The following ZDHHC17 variants were observed in gnomAD, a reference collection of about 807,000 sequenced individuals.
ZDHHC17 encodes zDHHC palmitoyltransferase 17.
ZDHHC17 carries 40 observed loss-of-function variants against 90.3 expected under a neutral mutation model. The ratio of observed to expected loss-of-function variants is 0.44; its 90% CI spans 0.34 to 0.58. The LOEUF (loss-of-function observed/expected upper bound fraction) is 0.58. Among genes scored for constraint, ZDHHC17 ranks in the 20% least tolerant of loss-of-function variants. ZDHHC17 has a pLI of 0.01. For synonymous variants in ZDHHC17, 235 were observed against 252.4 expected (o/e 0.93, Z 0.65); for missense variants, 614 against 780.8 (o/e 0.79, Z 2.55).
intron 5 of ZDHHC17, among the ~76,000 whole-genome samples, chr12:76,810,576 A>T (rs1383403698): frequency 6.6e-6 from 1 of 152,202 alleles, no homozygotes; most frequent in Non-Finnish European, 1.5e-5. Flanking sequence ...CGGATTTAGA[A>T]TTTGAATACT....
intron 1 of ZDHHC17, among the ~76,000 whole-genome samples, chr12:76,769,413 C>T (rs1165598968): frequency 6.6e-6 from 1 of 152,010 alleles, no homozygotes; most frequent in African/African-American, 2.4e-5. Context: ...ACTTTTTGCC[C>T]TATTATGTAT....
intron 1 of ZDHHC17, among the ~76,000 whole-genome samples, chr12:76,774,711 A>G (rs1207317354): frequency 6.6e-6 from 1 of 152,188 alleles, no homozygotes; most frequent in East Asian, 1.9e-4. Flanking sequence ...CAGTTTTATT[A>G]TCTGGAAAGT....
At chr12:76,823,842 A>G (rs1290309740) in intron 8 of ZDHHC17, among the ~76,000 whole-genome samples, 1 of 152,194 alleles carries the variant, frequency 6.6e-6, no homozygotes, top group Non-Finnish European at 1.5e-5. Flanking sequence ...AGCTGAGACT[A>G]ATGAACAATT....
intron 1 of ZDHHC17, among the ~76,000 whole-genome samples, chr12:76,787,870 C>G (rs1474462523): frequency 6.6e-6 from 1 of 152,182 alleles, no homozygotes; most frequent in African/African-American, 2.4e-5. Context: ...CTCTCAGAAT[C>G]ATATTAGTCC....
At chr12:76,785,891 G>C (rs945130404) in intron 1 of ZDHHC17, among the ~76,000 whole-genome samples, 1 of 152,094 alleles carries the variant, frequency 6.6e-6, no homozygotes, top group African/African-American at 2.4e-5. Context: ...GAAGGATTTT[G>C]TATGATTGCC....
intron 8 of ZDHHC17, among the ~76,000 whole-genome samples, chr12:76,826,362 T>A (rs1405101403): frequency 6.6e-6 from 1 of 152,258 alleles, no homozygotes; most frequent in East Asian, 1.9e-4. Context: ...GCACTCTGCC[T>A]TGATCTTTGT....
Position 76,848,262 on chromosome 12 carries a change from AC to A in ZDHHC17, c.1539del (p.Lys514ArgfsTer23). 1 of 1,613,914 alleles carries A rather than the reference AC, an allele frequency of 6.2e-7. No homozygotes were observed. Among genetic ancestry groups the A allele is most frequent in the East Asian group, 2.2e-5 (1 of 44,858 alleles). On this transcript the variant is annotated frameshift_variant, in exon 15 of 17. Transcript: ENST00000426126. LOFTEE classifies it high-confidence loss of function. ...GGGACTCCACTGTGAGACCACTTACACCAAGGATGGATTTTGGACATACATT... is the reference window on the plus strand; with the variant it reads ...GGGACTCCACTGTGAGACCACTTACACAAGGATGGATTTTGGACATACATT... ...YWGLHCETTY[T>X]KDGFWTYITQ...
At chr12:76,848,136 G>GT in intron 14 of ZDHHC17, 97 bp from the exon 15 acceptor site, 1 of 1,287,734 alleles carries the variant, frequency 7.8e-7, no homozygotes, top group South Asian at 1.4e-5. Flanking sequence ...AATCTAGACT[G>GT]TTTGACTATG....
chr12:76,797,194 C>T (rs1404801922), intron 1 of ZDHHC17, among the ~76,000 whole-genome samples: 1 of 151,970 alleles, frequency 6.6e-6, no homozygotes, highest in African/African-American at 2.4e-5. Context: ...ACCTGGGAGG[C>T]AGAGGTTGTA....
Position 76,816,406 on chromosome 12 carries a change from A to C in ZDHHC17, c.771+387A>C, listed in dbSNP as rs12304620. Among the ~76,000 whole-genome samples, 522 of 152,110 alleles carry C rather than the reference A, an allele frequency of 3.4e-3. 4 individuals are homozygous for C. The highest frequency in any genetic ancestry group is 0.012 in the African/African-American group (483 of 41,534). On this transcript the variant is annotated intron_variant, in intron 7 of 16. Coordinates refer to ENST00000426126, the MANE Select transcript of ZDHHC17 (RefSeq NM_015336.4). ...GCAATAAGATTCTATTGCTAGTCTC[A>C]AAATTTTGGTTATTTCTTTTCATTT...
At chr12:76,772,106 T>C (rs1952499361) in intron 1 of ZDHHC17, among the ~76,000 whole-genome samples, 1 of 152,230 alleles carries the variant, frequency 6.6e-6, no homozygotes, top group Non-Finnish European at 1.5e-5. Context: ...CATTTAATCC[T>C]CACAGCTTTT....
intron 2 of ZDHHC17, among the ~76,000 whole-genome samples, chr12:76,804,946 T>C (rs1356420638): frequency 6.6e-6 from 1 of 152,210 alleles, no homozygotes; most frequent in African/African-American, 2.4e-5. Context: ...TTCTAAATCA[T>C]TTATATGCAT....
At chr12:76,783,046 G>A (rs572651572) in intron 1 of ZDHHC17, among the ~76,000 whole-genome samples, 1 of 152,146 alleles carries the variant, frequency 6.6e-6, no homozygotes, top group African/African-American at 2.4e-5. Flanking sequence ...TGACGTTGAG[G>A]CCTAGTTGAG....
chr12:76,778,617 T>C (rs1952588743), intron 1 of ZDHHC17, among the ~76,000 whole-genome samples: 2 of 152,224 alleles, frequency 1.3e-5, no homozygotes, highest in African/African-American at 4.8e-5. Context: ...GCAACCATAA[T>C]AAAGAAATTT....
chr12:76,827,343 A>G (rs1032034108), intron 9 of ZDHHC17, among the ~76,000 whole-genome samples: 1 of 152,160 alleles, frequency 6.6e-6, no homozygotes, highest in African/African-American at 2.4e-5. Context: ...TCTAACATAC[A>G]TATTGTTAAT....
In ZDHHC17 at chr12:76,853,484, A is replaced by T. The variant is rs892946455; in HGVS notation, c.*2499A>T. On this transcript the variant is annotated 3_prime_UTR_variant, in exon 17 of 17. Coordinates refer to ENST00000426126, the MANE Select transcript of ZDHHC17 (RefSeq NM_015336.4). ...TGTTTCCAGGAATTTATTTGATATTAATGGGCGTAAAACAGCATCATTGTA... is the reference window on the plus strand; with the variant it reads ...TGTTTCCAGGAATTTATTTGATATTTATGGGCGTAAAACAGCATCATTGTA... The T allele has an allele frequency of 1.8e-4, 27 of 152,620 alleles. No individual in the cohort carries two copies. Among genetic ancestry groups the T allele is most frequent in the African/African-American group, 5.3e-4 (22 of 41,560 alleles). The allele number at this position is 152,620 out of a possible 1,614,324, so 9.5% of individuals were successfully genotyped here. A position where few individuals can be genotyped will look rare whatever the true frequency, so the allele number is the denominator to read the frequency against.
At chr12:76,797,941 C>CACA (rs1952841314) in intron 2 of ZDHHC17, among the ~76,000 whole-genome samples, 1 of 147,476 alleles carries the variant, frequency 6.8e-6, no homozygotes, top group Admixed American at 6.8e-5. Context: ...TGAAACTCTG[C>CACA]CACACACACA....
intron 5 of ZDHHC17, among the ~76,000 whole-genome samples, chr12:76,812,130 AC>A (rs1953031816): frequency 2.0e-5 from 3 of 152,180 alleles, no homozygotes; most frequent in Admixed American, 2.0e-4. Context: ...CAAGCATTTT[AC>A]ATAAAGGATA....
chr12:76,839,833 C>T (rs551238157), intron 10 of ZDHHC17, among the ~76,000 whole-genome samples: 127 of 152,200 alleles, frequency 8.3e-4, no homozygotes, highest in Admixed American at 3.9e-3. Context: ...GTATATCTTG[C>T]TGGAAAATAG....
Sources: gnomAD v4.1 joint callset for allele counts (sites outside exome capture counted in the v4.1 genomes callset) on GRCh38, gnomAD v4.1.1 for gene constraint, MANE v1.5 for transcripts, NCBI Gene and HGNC (gene_info 2026-07-23, HGNC 2026-07-21) for gene names.